The following CSMD1 variants were observed in gnomAD, a reference collection of about 807,000 sequenced individuals.
The protein encoded by CSMD1 is CUB and sushi domain-containing protein 1.
In CSMD1, 213 loss-of-function variants were observed where a neutral mutation model predicts 417.5. That is an observed-to-expected ratio of 0.51 (90% confidence interval 0.46 to 0.57). The LOEUF (loss-of-function observed/expected upper bound fraction) is 0.57, where lower values mean the gene tolerates loss of function less well. Ranked by LOEUF, CSMD1 falls within the 20% of genes least tolerant of loss-of-function variation. The pLI is 0.00. For missense variants in CSMD1, 6,923 were observed against 4,529.7 expected (o/e 1.53, Z -15.17); for synonymous variants, 2,862 against 1,736.8 (o/e 1.65, Z -16.11).
chr8:4,466,250 C>A (rs760283129), intron 2 of CSMD1, among the ~76,000 whole-genome samples: 4 of 151,846 alleles, frequency 2.6e-5, no homozygotes, highest in African/African-American at 7.3e-5. Flanking sequence ...TCCCAGATAA[C>A]CACAGATCAG....
At chr8:4,203,710 A>G (rs565917784) in intron 3 of CSMD1, among the ~76,000 whole-genome samples, 6 of 152,252 alleles carry the variant, frequency 3.9e-5, no homozygotes, top group Non-Finnish European at 7.4e-5. Context: ...AAACATACAC[A>G]CACATACACA....
At chr8:3,514,974 C>T (rs1379194178) in intron 10 of CSMD1, among the ~76,000 whole-genome samples, 1 of 152,032 alleles carries the variant, frequency 6.6e-6, no homozygotes, top group Non-Finnish European at 1.5e-5. Flanking sequence ...TATCAAAGTG[C>T]CTTTTAAAAA....
chr8:4,075,775 G>A (rs1799789503), intron 3 of CSMD1, among the ~76,000 whole-genome samples: 1 of 152,122 alleles, frequency 6.6e-6, no homozygotes, highest in South Asian at 2.1e-4. Context: ...ACCCTAGCCA[G>A]GTTTCTCAAG....
At chr8:4,114,800 A>G (rs1302956593) in intron 3 of CSMD1, among the ~76,000 whole-genome samples, 1 of 152,200 alleles carries the variant, frequency 6.6e-6, no homozygotes, top group East Asian at 1.9e-4. Context: ...CAGATGTGGT[A>G]GAAATAGCGA....
chr8:4,806,852 A>G (rs77290069), intron 1 of CSMD1, among the ~76,000 whole-genome samples: 3 of 152,152 alleles, frequency 2.0e-5, no homozygotes, highest in South Asian at 2.1e-4. Flanking sequence ...TCATAAAAAA[A>G]TAATAAAACT....
At chr8:4,080,584 T>G (rs374248512) in intron 3 of CSMD1, among the ~76,000 whole-genome samples, 1 of 152,230 alleles carries the variant, frequency 6.6e-6, no homozygotes, top group Non-Finnish European at 1.5e-5. Flanking sequence ...TATTTATGTA[T>G]GATGTCATAG....
intron 1 of CSMD1, among the ~76,000 whole-genome samples, chr8:4,652,455 G>A (rs1352237495): frequency 1.3e-5 from 2 of 152,000 alleles, no homozygotes; most frequent in Admixed American, 6.6e-5. Flanking sequence ...CGGGGTCAGT[G>A]CATGCAGCCT....
intron 1 of CSMD1, among the ~76,000 whole-genome samples, chr8:4,722,055 A>T (rs1463817331): frequency 2.0e-5 from 3 of 152,302 alleles, no homozygotes; most frequent in African/African-American, 7.2e-5. Context: ...TATGAAGTTG[A>T]ACTTATGTAG....
chr8:3,244,766 G>C (rs946026180), intron 26 of CSMD1, among the ~76,000 whole-genome samples: 2 of 152,188 alleles, frequency 1.3e-5, no homozygotes, highest in African/African-American at 2.4e-5. Context: ...AAAGTAATAA[G>C]CGGAAATCCA....
intron 7 of CSMD1, among the ~76,000 whole-genome samples, chr8:3,638,881 G>T (rs186836186): frequency 6.6e-6 from 1 of 152,116 alleles, no homozygotes; most frequent in Non-Finnish European, 1.5e-5. Context: ...AAGAAAAATG[G>T]GGTAGGGAAA....
intron 30 of CSMD1, among the ~76,000 whole-genome samples, chr8:3,210,651 T>C (rs1377248276): frequency 1.3e-5 from 2 of 148,750 alleles, no homozygotes; most frequent in Non-Finnish European, 1.5e-5. Context: ...ATATACACTT[T>C]ATATATAATT....
intron 2 of CSMD1, among the ~76,000 whole-genome samples, 153 bp downstream of exon 2, chr8:4,637,189 G>C (rs1027408310): frequency 2.0e-5 from 3 of 150,358 alleles, no homozygotes; most frequent in African/African-American, 7.4e-5. Flanking sequence ...CACCCCAAAG[G>C]TCTGTGGCTT....
chr8:4,834,664 G>A (rs1464137972), intron 1 of CSMD1, among the ~76,000 whole-genome samples: 2 of 151,166 alleles, frequency 1.3e-5, no homozygotes, highest in African/African-American at 2.4e-5. Context: ...TGAATTAAAA[G>A]GAAAAAAAAA....
At chr8:4,745,880 G>A (rs1380386554) in intron 1 of CSMD1, among the ~76,000 whole-genome samples, 1 of 152,294 alleles carries the variant, frequency 6.6e-6, no homozygotes, top group African/African-American at 2.4e-5. Flanking sequence ...TTCTGAGCTT[G>A]ATCCAGGCTC....
chr8:3,890,764 A>G (rs552085121), intron 5 of CSMD1, among the ~76,000 whole-genome samples: 11 of 152,284 alleles, frequency 7.2e-5, no homozygotes, highest in Non-Finnish European at 1.5e-4. Flanking sequence ...GTCTGTGCTA[A>G]TGTTTGAGCA....
At chr8:4,106,344 A>AT (rs531720674) in intron 3 of CSMD1, among the ~76,000 whole-genome samples, 4 of 152,184 alleles carry the variant, frequency 2.6e-5, no homozygotes, top group South Asian at 4.1e-4. Flanking sequence ...CAATACCTAT[A>AT]TTTTTTAAGT....
chr8:4,283,105 G>A (rs1346537948), intron 3 of CSMD1, among the ~76,000 whole-genome samples: 1 of 152,114 alleles, frequency 6.6e-6, no homozygotes, highest in Non-Finnish European at 1.5e-5. Context: ...GCAGACTTTA[G>A]AAATTACTAC....
intron 57 of CSMD1, among the ~76,000 whole-genome samples, chr8:2,968,452 G>T (rs918885420): frequency 1.3e-5 from 2 of 152,176 alleles, no homozygotes; most frequent in African/African-American, 4.8e-5. Flanking sequence ...TTTCAATTCA[G>T]TTTGTAAGGA....
chr8:3,095,900 T>G (rs1299423453), intron 47 of CSMD1, among the ~76,000 whole-genome samples: 1 of 152,194 alleles, frequency 6.6e-6, no homozygotes, highest in African/African-American at 2.4e-5. Context: ...ATAAGACTAT[T>G]GTTGAAAACA....
Sources: allele counts gnomAD v4.1 joint callset (sites outside exome capture counted in the v4.1 genomes callset), GRCh38; gene constraint gnomAD v4.1.1; transcripts MANE v1.5; gene names NCBI Gene and HGNC (gene_info 2026-07-23, HGNC 2026-07-21).